The following MDN1 variants were observed in gnomAD, a reference collection of about 807,000 sequenced individuals.
MDN1 encodes the protein midasin.
MDN1 carries 266 observed loss-of-function variants against 669.2 expected under a neutral mutation model. That is an observed-to-expected ratio of 0.40 (90% CI 0.36 to 0.44). MDN1 has a LOEUF of 0.44. MDN1 is among the 20% of genes least tolerant of loss of function. MDN1 has a pLI of 1.00. For missense variants in MDN1, 5,940 were observed against 6,754.0 expected (o/e 0.88, Z 4.22); for synonymous variants, 2,385 against 2,457.1 (o/e 0.97, Z 0.87).
At chr6:89,649,794 C>G (rs921654833) in intron 97 of MDN1, among the ~76,000 whole-genome samples, 1 of 152,166 alleles carries the variant, frequency 6.6e-6, no homozygotes, top group African/African-American at 2.4e-5. Flanking sequence ...CAGTAAGAAA[C>G]TAACACATCT....
chr6:89,646,402 C>G, intron 100 of MDN1, 138 bp downstream of exon 100: 1 of 725,782 alleles, frequency 1.4e-6, no homozygotes, highest in Non-Finnish European at 2.3e-6. Context: ...TAAAAATCAG[C>G]TCCATCAATT....
intron 36 of MDN1, 73 bp downstream of exon 36, chr6:89,728,858 T>A: frequency 7.0e-7 from 1 of 1,429,736 alleles, no homozygotes; most frequent in Non-Finnish European, 9.7e-7. Flanking sequence ...CATTTCTGAT[T>A]AGGCAAATAT....
rs1814076616 is a variant in MDN1 at position 89,713,182 on chromosome 6, T to C, written c.7184A>G (p.Tyr2395Cys). 1 of 1,614,074 alleles carries C rather than the reference T, an allele frequency of 6.2e-7. No homozygotes were observed. The highest frequency in any genetic ancestry group is 8.5e-7 in the Non-Finnish European group (1 of 1,179,980). Residue 2395 changes from tyrosine (Y) to cysteine (C), a missense_variant, in exon 47 of 102, where the codon TAT becomes TGT. Physicochemically the swap from Tyr to Cys is radical, Grantham distance 194. This residue lies in a region of MDN1 where 2,292 missense variants were observed against 2,638.3 expected (regional missense o/e 0.87). Transcript: ENST00000369393. ...RAFSEACWEV[Y>C]VCSQHSPANR... Reference sequence around the variant, plus strand: ...TGCTGGTGAATGCTGGGAACAGACATATACTTCCCAGCATGCTTCAGAAAA... The same window carrying C: ...TGCTGGTGAATGCTGGGAACAGACACATACTTCCCAGCATGCTTCAGAAAA...
intron 53 of MDN1, 47 bp from the exon 54 acceptor site, chr6:89,702,108 G>A (rs1224389950): frequency 6.5e-7 from 1 of 1,530,994 alleles, no homozygotes; most frequent in Non-Finnish European, 8.8e-7. Context: ...AAAGACTAAA[G>A]CAAGAAGAAA....
intron 31 of MDN1, among the ~76,000 whole-genome samples, chr6:89,742,121 C>G (rs1273843102): frequency 6.6e-6 from 1 of 151,628 alleles, no homozygotes; most frequent in Non-Finnish European, 1.5e-5. Flanking sequence ...CAAAAAAACC[C>G]TAGCCTCCAG....
chr6:89,811,420 T>C (rs541257233), intron 1 of MDN1, among the ~76,000 whole-genome samples: 2 of 152,168 alleles, frequency 1.3e-5, no homozygotes, highest in East Asian at 1.9e-4. Flanking sequence ...GGACAATGAA[T>C]GTTAAAGGAT....
At chr6:89,754,409 A>C (rs1381990270) in intron 20 of MDN1, among the ~76,000 whole-genome samples, 179 bp from the exon 21 acceptor site, 1 of 152,216 alleles carries the variant, frequency 6.6e-6, no homozygotes, top group Non-Finnish European at 1.5e-5. Context: ...ATACTCAGAG[A>C]TATCTTTCAA....
intron 62 of MDN1, among the ~76,000 whole-genome samples, chr6:89,693,709 A>G (rs559662944): frequency 6.6e-6 from 1 of 152,288 alleles, no homozygotes; most frequent in Non-Finnish European, 1.5e-5. Flanking sequence ...CCCAAATCCA[A>G]AACACTTCTG....
In MDN1 at chr6:89,689,935, A is replaced by C. The variant is rs1812269624; in HGVS notation, c.10958T>G (p.Leu3653Arg). Residue 3653 changes from leucine (L) to arginine (R), a missense_variant, in exon 65 of 102, where the codon CTC (leucine) becomes CGC (arginine). Coordinates refer to ENST00000369393, the MANE Select transcript of MDN1 (RefSeq NM_014611.3). Reference protein sequence around the residue: ...TLPPHEAKHYLSLFLSCYQTG... With the variant: ...TLPPHEAKHYRSLFLSCYQTG... ...CTGATAGCAAGACAGAAACAGGCTG[A>C]GGTAATGCTTTGCTTCATGTGGCGG... 6.2e-7 allele frequency: 1 copy of C among 1,614,242 alleles called. No homozygotes were observed.
At chr6:89,754,942 C>T (rs1210402286) in intron 20 of MDN1, among the ~76,000 whole-genome samples, 1 of 151,918 alleles carries the variant, frequency 6.6e-6, no homozygotes, top group Non-Finnish European at 1.5e-5. Context: ...AAAATATTTT[C>T]AAAATATTTC....
At chr6:89,719,872 G>A (rs1469251592) in intron 40 of MDN1, among the ~76,000 whole-genome samples, 1 of 152,096 alleles carries the variant, frequency 6.6e-6, no homozygotes, top group Non-Finnish European at 1.5e-5. Flanking sequence ...TATTTACATT[G>A]TTATCCTTTC....
intron 50 of MDN1, among the ~76,000 whole-genome samples, chr6:89,709,823 A>G (rs1262685818): frequency 6.6e-6 from 1 of 152,236 alleles, no homozygotes; most frequent in Non-Finnish European, 1.5e-5. Flanking sequence ...TTTAAAAAAA[A>G]TTAATCTTGA....
At chr6:89,710,142 C>T (rs531032169) in intron 50 of MDN1, among the ~76,000 whole-genome samples, 13 of 152,286 alleles carry the variant, frequency 8.5e-5, no homozygotes, top group African/African-American at 3.1e-4. Flanking sequence ...GTTTGAAACT[C>T]TTCCTACTAA....
rs780306758 is a variant in MDN1 at position 89,732,758 on chromosome 6, C to A, written c.4741G>T (p.Val1581Leu). The A allele has an allele frequency of 2.2e-5, 35 of 1,613,986 alleles. No homozygotes were observed. The highest frequency in any genetic ancestry group is 2.9e-5 in the Non-Finnish European group (34 of 1,179,998). ...IDPKGSDIPE[V>L]MLDFIDWLTH... ...AGCCAGTCAATGAAATCCAGCATCA[C>A]TTCAGGTATGTCAGACCCTAAACAC... Residue 1581 changes from valine (V) to leucine (L), a missense_variant, in exon 34 of 102, where the codon GTG becomes TTG. By Grantham distance (32) the Val-to-Leu change is conservative. Coordinates refer to ENST00000369393, the MANE Select transcript of MDN1 (RefSeq NM_014611.3).
chr6:89,738,608 GTACT>G (rs1350424368), intron 32 of MDN1, among the ~76,000 whole-genome samples, 153 bp from the exon 33 acceptor site: 5 of 152,176 alleles, frequency 3.3e-5, no homozygotes, highest in Non-Finnish European at 7.4e-5. Flanking sequence ...AATTGAAGAT[GTACT>G]TTGTCTTGAC....
intron 7 of MDN1, among the ~76,000 whole-genome samples, chr6:89,789,185 G>A (rs1562220971): frequency 6.6e-6 from 1 of 151,930 alleles, no homozygotes; most frequent in Non-Finnish European, 1.5e-5. Context: ...TCCAAAGGAA[G>A]AATATTTCAT....
intron 45 of MDN1, among the ~76,000 whole-genome samples, chr6:89,715,390 A>T (rs901156380): frequency 6.6e-6 from 1 of 152,184 alleles, no homozygotes; most frequent in Non-Finnish European, 1.5e-5. Flanking sequence ...CAAAAGGATC[A>T]TGACTGGTAT....
intron 99 of MDN1, among the ~76,000 whole-genome samples, chr6:89,647,479 C>A (rs1808563690): frequency 6.6e-6 from 1 of 152,104 alleles, no homozygotes; most frequent in African/African-American, 2.4e-5. Context: ...TTTGTTTTTG[C>A]AGAATGTTCC....
intron 61 of MDN1, 82 bp from the exon 62 acceptor site, chr6:89,694,265 G>A: frequency 8.6e-7 from 1 of 1,157,742 alleles, no homozygotes; most frequent in Non-Finnish European, 1.3e-6. Flanking sequence ...GACACGTAGA[G>A]GAACAAGATG....
Sources: allele counts gnomAD v4.1 joint callset (sites outside exome capture counted in the v4.1 genomes callset), GRCh38; gene constraint gnomAD v4.1.1; regional missense constraint gnomAD v4.1.1; transcripts MANE v1.5; gene names NCBI Gene and HGNC (gene_info 2026-07-23, HGNC 2026-07-21).